The following GAS2 variants were observed in gnomAD, a reference collection of about 807,000 sequenced individuals.
GAS2 encodes the protein growth arrest specific 2.
Under a neutral mutation model 37.5 loss-of-function variants are expected in GAS2, and 20 were observed. The observed-to-expected ratio is 0.53, with a 90% CI of 0.37 to 0.77. The LOEUF is 0.77. Ranked by LOEUF, GAS2 falls within the 30% of genes least tolerant of loss-of-function variation. The probability of loss-of-function intolerance (pLI) is 0.00; values close to 1 mark genes in which losing one functional copy is unlikely to be tolerated. For synonymous variants in GAS2, 144 were observed against 132.2 expected, an observed-to-expected ratio of 1.09 and a Z score of -0.61; for missense variants, 336 against 373.4, an observed-to-expected ratio of 0.90 and a Z score of 0.82.
At chr11:22,769,837 A>G (rs1371192362) in intron 7 of GAS2, among the ~76,000 whole-genome samples, 2 of 152,218 alleles carry the variant, frequency 1.3e-5, no homozygotes, top group Non-Finnish European at 2.9e-5. Context: ...ACAACCAAAG[A>G]AAGTGGTAGA....
chr11:22,666,438 T>G (rs1270442738), upstream of GAS2: 1 of 152,188 alleles, frequency 6.6e-6, no homozygotes, highest in Non-Finnish European at 1.5e-5. Context: ...GAGTTAAATA[T>G]GATCCCCTCC....
At position 22,644,170 on chromosome 11, in the gene GAS2, G is replaced by T. The variant is rs79903746; in HGVS notation, c.-21+18357G>T. Among the ~76,000 whole-genome samples, 233 of 152,136 alleles carry T rather than the reference G, an allele frequency of 1.5e-3. 5 individuals are homozygous for T. The East Asian group carries it at 0.04, about 26-fold the overall frequency. On this transcript the variant is annotated intron_variant, in intron 1 of 5. Transcript: ENST00000528582. ...TACTCTTTCACTAAGTAGCAATTATGATGTAAAAGGTATCAGGAAATTTCT... is the reference window on the plus strand; with the variant it reads ...TACTCTTTCACTAAGTAGCAATTATTATGTAAAAGGTATCAGGAAATTTCT...
chr11:22,741,602 C>T (rs1240661539), intron 5 of GAS2, among the ~76,000 whole-genome samples: 1 of 152,014 alleles, frequency 6.6e-6, no homozygotes, highest in African/African-American at 2.4e-5. Context: ...ACTTTCGGAA[C>T]ATTTTCTTTA....
chr11:22,794,489 A>T (rs1025824276), intron 7 of GAS2, among the ~76,000 whole-genome samples: 2 of 152,142 alleles, frequency 1.3e-5, no homozygotes, highest in African/African-American at 4.8e-5. Context: ...GAGTAGGAAG[A>T]TGACGATCTA....
At chr11:22,637,737 AT>A (rs1858856234) in intron 1 of GAS2, among the ~76,000 whole-genome samples, 1 of 138,948 alleles carries the variant, frequency 7.2e-6, no homozygotes, top group Admixed American at 7.3e-5. Context: ...AATAATAATT[AT>A]TTATATTTAA....
chr11:22,634,619 G>C (rs891421926), intron 1 of GAS2, among the ~76,000 whole-genome samples: 1 of 152,156 alleles, frequency 6.6e-6, no homozygotes, highest in Admixed American at 6.5e-5. Flanking sequence ...AGGGATCCCT[G>C]AGGGCCAAAC....
At chr11:22,651,866 T>G (rs964112977) in intron 1 of GAS2, among the ~76,000 whole-genome samples, 3 of 152,190 alleles carry the variant, frequency 2.0e-5, no homozygotes, top group Admixed American at 6.5e-5. Context: ...TGGTTTGAAT[T>G]TCCTCCCACA....
At chr11:22,723,712 G>A (rs556877545) in intron 3 of GAS2, among the ~76,000 whole-genome samples, 74 of 151,720 alleles carry the variant, frequency 4.9e-4, no homozygotes, top group Non-Finnish European at 9.6e-4. Flanking sequence ...TGCCCGCCAG[G>A]GATATAGGTG....
At chr11:22,628,105 A>G (rs376388972) in intron 1 of GAS2, among the ~76,000 whole-genome samples, 166 of 152,316 alleles carry the variant, frequency 1.1e-3, no homozygotes, top group African/African-American at 3.8e-3. Flanking sequence ...AGATTAGTCT[A>G]TTTTCATTAA....
chr11:22,703,874 G>T (rs746216878), intron 3 of GAS2, among the ~76,000 whole-genome samples: 6 of 152,118 alleles, frequency 3.9e-5, no homozygotes, highest in Non-Finnish European at 8.8e-5. Context: ...ATATTACTGT[G>T]CTAGTCATGT....
At chr11:22,660,669 G>A (rs1009156822) in intron 1 of GAS2, among the ~76,000 whole-genome samples, 4 of 152,194 alleles carry the variant, frequency 2.6e-5, no homozygotes, top group Admixed American at 6.5e-5. Flanking sequence ...TAGTGACTAC[G>A]ATATTACAAA....
chr11:22,711,320 C>T (rs1204444300), intron 3 of GAS2, among the ~76,000 whole-genome samples: 1 of 152,166 alleles, frequency 6.6e-6, no homozygotes, highest in Non-Finnish European at 1.5e-5. Context: ...TAGGCACTTC[C>T]AGTCTTCAAG....
At chr11:22,762,868 G>A (rs1854473749) in intron 7 of GAS2, among the ~76,000 whole-genome samples, 1 of 152,144 alleles carries the variant, frequency 6.6e-6, no homozygotes, top group East Asian at 1.9e-4. Context: ...GAAATCAGAA[G>A]ATAATTCTCC....
At chr11:22,771,349 T>A (rs17306230) in intron 7 of GAS2, among the ~76,000 whole-genome samples, 1 of 152,060 alleles carries the variant, frequency 6.6e-6, no homozygotes, top group Non-Finnish European at 1.5e-5. Flanking sequence ...TTTGGAACAA[T>A]ACATTTATAG....
At chr11:22,789,824 A>G (rs1856054702) in intron 7 of GAS2, among the ~76,000 whole-genome samples, 1 of 151,992 alleles carries the variant, frequency 6.6e-6, no homozygotes, top group Non-Finnish European at 1.5e-5. Context: ...ATATCTCTCT[A>G]TATAGAGAGA....
At chr11:22,729,499 T>G (rs1852374230) in intron 4 of GAS2, among the ~76,000 whole-genome samples, 1 of 151,874 alleles carries the variant, frequency 6.6e-6, no homozygotes, top group Non-Finnish European at 1.5e-5. Flanking sequence ...TATACAGGGT[T>G]TAACCTATTA....
intron 7 of GAS2, among the ~76,000 whole-genome samples, chr11:22,769,746 T>C (rs533478198): frequency 1.1e-4 from 17 of 152,338 alleles, no homozygotes; most frequent in African/African-American, 3.8e-4. Context: ...AACTGTCTCC[T>C]TGTGAGTTTG....
intron 7 of GAS2, among the ~76,000 whole-genome samples, chr11:22,774,155 G>A (rs538385440): frequency 2.7e-4 from 41 of 152,008 alleles, no homozygotes; most frequent in African/African-American, 8.5e-4. Context: ...CACCACACCC[G>A]GCTAATTTTT....
intron 3 of GAS2, among the ~76,000 whole-genome samples, chr11:22,724,019 A>G (rs1852072063): frequency 6.6e-6 from 1 of 151,908 alleles, no homozygotes; most frequent in Non-Finnish European, 1.5e-5. Flanking sequence ...CTCAAGGGCA[A>G]TTACTATCAA....
Sources: allele counts gnomAD v4.1 joint callset (sites outside exome capture counted in the v4.1 genomes callset), GRCh38; gene constraint gnomAD v4.1.1; transcripts MANE v1.5; gene names NCBI Gene and HGNC (gene_info 2026-07-23, HGNC 2026-07-21).